Variants in TRDN observed in about 807,000 individuals in gnomAD.
TRDN encodes triadin in skeletal muscle.
In TRDN, 161 loss-of-function variants were observed where a neutral mutation model predicts 149.7. The observed-to-expected ratio is 1.08, with a 90% CI of 0.95 to 1.23. The LOEUF (loss-of-function observed/expected upper bound fraction) is 1.23. Ranked by LOEUF, TRDN falls within the 50% of genes most tolerant of loss-of-function variation. The probability of loss-of-function intolerance (pLI) is 0.00; values close to 1 mark genes in which losing one functional copy is unlikely to be tolerated. For synonymous variants in TRDN, 294 were observed against 250.5 expected (o/e 1.17, Z -1.64); for missense variants, 896 against 823.5 (o/e 1.09, Z -1.08).
At position 123,377,747 on chromosome 6, in the gene TRDN, A is replaced by T; in HGVS notation, c.1220-5T>A. 1 of 1,613,182 alleles carries T rather than the reference A, an allele frequency of 6.2e-7. No individual in the cohort carries two copies. The highest frequency in any genetic ancestry group is 8.5e-7 in the Non-Finnish European group (1 of 1,179,598). ...GTTCTTTCTTTGGTGACTTTGCTGT[A>T]TCAAAAAGGAAAGAAAAAAAAATCA... On this transcript the variant is annotated splice_region_variant and splice_polypyrimidine_tract_variant and intron_variant, in intron 17 of 40. Transcript: ENST00000334268.
In TRDN at chr6:123,267,765, T is replaced by C; in HGVS notation, c.1739-14A>G. The C allele has an allele frequency of 6.4e-7, 1 of 1,561,508 alleles. No individual in the cohort carries two copies. Among genetic ancestry groups the C allele is most frequent in the Admixed American group, 1.9e-5 (1 of 53,142 alleles). Reference sequence around the variant, plus strand: ...GTTCAGCTTTTTCTAGAGAAAGAAATCAAAATTCACTGGCAATCTGTGGAT... The same window carrying C: ...GTTCAGCTTTTTCTAGAGAAAGAAACCAAAATTCACTGGCAATCTGTGGAT... On this transcript the variant is annotated splice_polypyrimidine_tract_variant and intron_variant, in intron 31 of 40. Transcript: ENST00000334268.
intron 1 of TRDN, among the ~76,000 whole-genome samples, chr6:123,602,003 T>A (rs907129578): frequency 3.3e-5 from 5 of 152,046 alleles, no homozygotes; most frequent in African/African-American, 1.2e-4. Flanking sequence ...TTCTATTAGC[T>A]GGAACTAAGG....
chr6:123,588,196 C>A (rs1299324055), intron 1 of TRDN, among the ~76,000 whole-genome samples: 3 of 152,160 alleles, frequency 2.0e-5, no homozygotes, highest in African/African-American at 7.2e-5. Context: ...CAAGAGACAG[C>A]CTAATAAGGC....
chr6:123,551,047 A>G (rs1277337530), intron 2 of TRDN, among the ~76,000 whole-genome samples: 1 of 151,556 alleles, frequency 6.6e-6, no homozygotes, highest in Non-Finnish European at 1.5e-5. Flanking sequence ...TAATGGAAAA[A>G]TCTGCAAATG....
At chr6:123,513,294 T>C (rs1035301884) in intron 6 of TRDN, among the ~76,000 whole-genome samples, 7 of 152,194 alleles carry the variant, frequency 4.6e-5, no homozygotes, top group Non-Finnish European at 8.8e-5. Flanking sequence ...TACATTATAA[T>C]AACATATCTC....
At chr6:123,358,018 G>A (rs1441142652) in intron 20 of TRDN, among the ~76,000 whole-genome samples, 1 of 152,110 alleles carries the variant, frequency 6.6e-6, no homozygotes, top group Non-Finnish European at 1.5e-5. Context: ...TCTATGAAGA[G>A]CAAACATTAG....
chr6:123,542,434 G>A (rs9490806), intron 4 of TRDN, among the ~76,000 whole-genome samples: 81,357 of 151,924 alleles, frequency 0.54, 22,700 homozygotes, highest in African/African-American at 0.6. Context: ...GAATGACTAC[G>A]ATTATTCTTT....
rs559070490 is a variant in TRDN at position 123,429,904 on chromosome 6, G to A, written c.1051+8159C>T. Among the ~76,000 whole-genome samples the A allele has an allele frequency of 5.9e-4, 89 of 152,136 alleles. 2 individuals are homozygous for A. The South Asian group carries it at 0.017, about 29-fold the overall frequency. The stretch of plus-strand genomic sequence containing the variant: ...CAATGCGTACAGAGAAGAAATATGT[G>A]GTCTATTTACTGATATTTACTGATT... On this transcript the variant is annotated intron_variant, in intron 12 of 40. Transcript: ENST00000334268.
intron 14 of TRDN, among the ~76,000 whole-genome samples, chr6:123,384,923 G>A (rs541318057): frequency 6.6e-6 from 1 of 152,160 alleles, no homozygotes; most frequent in South Asian, 2.1e-4. Context: ...AGCATTCTTG[G>A]CTCAAACAGC....
chr6:123,387,088 T>C (rs566061164), intron 14 of TRDN, among the ~76,000 whole-genome samples: 1 of 152,324 alleles, frequency 6.6e-6, no homozygotes. Context: ...CTCAATATTT[T>C]AAATAGGTTA....
At chr6:123,295,821 C>G (rs1778172138) in intron 24 of TRDN, among the ~76,000 whole-genome samples, 1 of 151,818 alleles carries the variant, frequency 6.6e-6, no homozygotes, top group Non-Finnish European at 1.5e-5. Flanking sequence ...AAAAGTTAGC[C>G]AAGTGTAGTG....
intron 2 of TRDN, among the ~76,000 whole-genome samples, chr6:123,568,408 G>A (rs536906000): frequency 2.0e-5 from 3 of 152,306 alleles, no homozygotes; most frequent in East Asian, 1.9e-4. Context: ...CCCCAGTGAG[G>A]AATCTGTGTG....
intron 12 of TRDN, among the ~76,000 whole-genome samples, chr6:123,415,528 T>C (rs983727613): frequency 1.3e-5 from 2 of 152,180 alleles, no homozygotes; most frequent in African/African-American, 4.8e-5. Flanking sequence ...ACCCATGTAA[T>C]GTTAAAACAT....
chr6:123,265,207 A>G (rs1361076827), intron 33 of TRDN, 111 bp downstream of exon 33: 2 of 813,452 alleles, frequency 2.5e-6, no homozygotes, highest in Non-Finnish European at 3.7e-6. Flanking sequence ...TATAATGGCT[A>G]TTACATTAAC....
In TRDN at chr6:123,393,610, GT is replaced by G. The variant is rs759662227; in HGVS notation, c.1105+13del. The G allele has an allele frequency of 6.3e-7, 1 of 1,593,908 alleles. No individual in the cohort carries two copies. Among genetic ancestry groups the G allele is most frequent in the Admixed American group, 1.7e-5 (1 of 57,614 alleles). On this transcript the variant is annotated intron_variant, in intron 13 of 40. Coordinates refer to ENST00000334268, the MANE Select transcript of TRDN (RefSeq NM_006073.4). ...AAAAAAAGGCAATGCTTTTTAAAGT[GT>G]TTTATTGCTTACCTTGTGCTGCAAT... is the stretch of plus-strand genomic sequence containing the variant.
At chr6:123,465,557 CTCTG>C (rs1776737171) in intron 9 of TRDN, among the ~76,000 whole-genome samples, 1 of 134,722 alleles carries the variant, frequency 7.4e-6, no homozygotes, top group Non-Finnish European at 1.5e-5. Flanking sequence ...TCTCTCAAGT[CTCTG>C]TCTGAGCTTA....
At chr6:123,384,887 G>T (rs1781849352) in intron 14 of TRDN, among the ~76,000 whole-genome samples, 1 of 152,124 alleles carries the variant, frequency 6.6e-6, no homozygotes, top group African/African-American at 2.4e-5. Flanking sequence ...TAATATTCAT[G>T]CTATTAAACT....
chr6:123,291,398 A>C (rs1778006624), intron 24 of TRDN, among the ~76,000 whole-genome samples: 1 of 152,008 alleles, frequency 6.6e-6, no homozygotes, highest in African/African-American at 2.4e-5. Context: ...CCCTGTCTCT[A>C]CTAAAAAATA....
intron 1 of TRDN, among the ~76,000 whole-genome samples, chr6:123,604,079 A>G (rs1784404924): frequency 6.6e-6 from 1 of 152,218 alleles, no homozygotes; most frequent in South Asian, 2.1e-4. Context: ...GTCCCCTTTT[A>G]TCATTTGACA....
Sources: allele counts gnomAD v4.1 joint callset (sites outside exome capture counted in the v4.1 genomes callset), GRCh38; gene constraint gnomAD v4.1.1; transcripts MANE v1.5; gene names NCBI Gene and HGNC (gene_info 2026-07-23, HGNC 2026-07-21).